CSMD1: variants seen among roughly 807,000 people sequenced by gnomAD.
CSMD1 encodes CUB and sushi domain-containing protein 1.
Under a neutral mutation model 417.5 loss-of-function variants are expected in CSMD1, and 213 were observed. The ratio of observed to expected loss-of-function variants is 0.51; its 90% CI spans 0.46 to 0.57. The LOEUF is 0.57. Among genes scored for constraint, CSMD1 ranks in the 20% least tolerant of loss-of-function variants. The pLI, the probability that CSMD1 is intolerant of heterozygous loss-of-function variation, is 0.00. For missense variants in CSMD1, 6,923 were observed against 4,529.7 expected, an observed-to-expected ratio of 1.53 and a Z score of -15.17; for synonymous variants, 2,862 against 1,736.8, an observed-to-expected ratio of 1.65 and a Z score of -16.11.
intron 3 of CSMD1, among the ~76,000 whole-genome samples, chr8:4,373,458 G>A (rs1802523514): frequency 6.6e-6 from 1 of 152,160 alleles, no homozygotes; most frequent in Non-Finnish European, 1.5e-5. Context: ...CAATATCTCT[G>A]AAATGTTCCC....
intron 7 of CSMD1, among the ~76,000 whole-genome samples, chr8:3,690,170 G>A (rs1402706201): frequency 2.6e-5 from 4 of 152,120 alleles, no homozygotes; most frequent in African/African-American, 4.8e-5. Flanking sequence ...ACCAGCCTGG[G>A]CAACAGGGCA....
At chr8:4,584,616 G>A (rs1409347387) in intron 2 of CSMD1, among the ~76,000 whole-genome samples, 1 of 152,064 alleles carries the variant, frequency 6.6e-6, no homozygotes, top group South Asian at 2.1e-4. Context: ...GGAAAGCCAT[G>A]CAGCTCCGGG....
At chr8:3,217,542 G>GT (rs913092203) in intron 29 of CSMD1, among the ~76,000 whole-genome samples, 2 of 152,044 alleles carry the variant, frequency 1.3e-5, no homozygotes, top group Admixed American at 1.3e-4. Flanking sequence ...TGTTGGGGGC[G>GT]TGGGGGGCTA....
intron 3 of CSMD1, among the ~76,000 whole-genome samples, chr8:4,413,665 G>C (rs143323803): frequency 6.6e-6 from 1 of 152,038 alleles, no homozygotes; most frequent in Non-Finnish European, 1.5e-5. Context: ...ATGGTGTACC[G>C]CGGATCCCAA....
chr8:4,229,334 G>A (rs1029341112), intron 3 of CSMD1, among the ~76,000 whole-genome samples: 2 of 152,132 alleles, frequency 1.3e-5, no homozygotes, highest in African/African-American at 2.4e-5. Flanking sequence ...AGTCCAATGT[G>A]CTTCTTTCTT....
intron 10 of CSMD1, among the ~76,000 whole-genome samples, chr8:3,555,530 C>T (rs1799106809): frequency 6.6e-6 from 1 of 152,198 alleles, no homozygotes; most frequent in Admixed American, 6.5e-5. Flanking sequence ...GCAAAAATTC[C>T]ACAGCTGGGT....
chr8:4,772,286 A>C (rs573289549), intron 1 of CSMD1, among the ~76,000 whole-genome samples: 194 of 152,300 alleles, frequency 1.3e-3, no homozygotes, highest in African/African-American at 4.6e-3. Flanking sequence ...CCAGTCCTTT[A>C]CACGTCAAAT....
At chr8:3,677,089 G>T (rs1799414399) in intron 7 of CSMD1, among the ~76,000 whole-genome samples, 1 of 152,000 alleles carries the variant, frequency 6.6e-6, no homozygotes, top group Non-Finnish European at 1.5e-5. Flanking sequence ...GTAGATAGGT[G>T]CAACAAAAAC....
intron 12 of CSMD1, among the ~76,000 whole-genome samples, chr8:3,422,164 A>C (rs1212368924): frequency 2.0e-5 from 3 of 152,130 alleles, no homozygotes. Context: ...CATTCCTTTG[A>C]AACTTAGTTT....
rs571723838 is a variant in CSMD1, at chr8:4,091,911, A to C, written c.416-59812T>G. On this transcript the variant is annotated intron_variant, in intron 3 of 69. Transcript: ENST00000635120. ...GAACCGTACAGAGTTTTAAATAGTC[A>C]GTGCTCCCAGTTCTCTATTTAAAAA... Among the ~76,000 whole-genome samples, 14 of 152,332 alleles carry C rather than the reference A, an allele frequency of 9.2e-5. 1 individual carries two copies. Among genetic ancestry groups the C allele is most frequent in the Middle Eastern group, 3.4e-3 (1 of 294 alleles).
At position 3,873,767 on chromosome 8, in the gene CSMD1, G is replaced by A. The variant is rs188618252; in HGVS notation, c.819-119725C>T. On this transcript the variant is annotated intron_variant, in intron 5 of 69. Transcript: ENST00000635120. ...TAAGGATACAGAGAAAAATCAGATG[G>A]CCTGAACCAACGTAGCCCTTGATTA... 1.3e-3 allele frequency among the ~76,000 whole-genome samples: 203 copies of A among 152,160 alleles called. No homozygotes were observed. The Middle Eastern group carries it at 0.014, about 10-fold the overall frequency.
At chr8:4,368,102 G>C (rs565029142) in intron 3 of CSMD1, among the ~76,000 whole-genome samples, 1 of 152,118 alleles carries the variant, frequency 6.6e-6, no homozygotes, top group Non-Finnish European at 1.5e-5. Context: ...CTCAAGGGGA[G>C]TGCTTCTAGC....
At chr8:4,851,694 T>G (rs1333011999) in intron 1 of CSMD1, among the ~76,000 whole-genome samples, 1 of 152,168 alleles carries the variant, frequency 6.6e-6, no homozygotes, top group Non-Finnish European at 1.5e-5. Flanking sequence ...TCCCATTGTG[T>G]GGCATCGGCA....
rs78698192 is a variant in CSMD1, at chr8:3,841,758, A to G, written c.819-87716T>C. Among the ~76,000 whole-genome samples, 88 of 152,234 alleles carry G rather than the reference A, an allele frequency of 5.8e-4. 1 individual carries two copies. In the East Asian group the frequency reaches 0.016, roughly 27 times the overall value. ...TCCTAGCTTTAACTGAGCTACATTA[A>G]TAACATCCACAGACAATGAAAATTA... On this transcript the variant is annotated intron_variant, in intron 5 of 69. Coordinates refer to ENST00000635120, the MANE Select transcript of CSMD1 (RefSeq NM_033225.6).
chr8:4,734,622 T>C (rs1810109002), intron 1 of CSMD1, among the ~76,000 whole-genome samples: 1 of 152,194 alleles, frequency 6.6e-6, no homozygotes, highest in African/African-American at 2.4e-5. Context: ...TAACATTATA[T>C]TTTTAGGTAC....
intron 3 of CSMD1, among the ~76,000 whole-genome samples, chr8:4,376,214 A>G (rs1308583058): frequency 1.3e-5 from 2 of 152,220 alleles, no homozygotes; most frequent in Admixed American, 6.5e-5. Flanking sequence ...CTGTTTGTCA[A>G]TAATCGTTTT....
At chr8:3,319,117 C>T (rs11991912) in intron 23 of CSMD1, among the ~76,000 whole-genome samples, 73,551 of 151,926 alleles carry the variant, frequency 0.48, 18,629 homozygotes, top group South Asian at 0.59. Context: ...CAGATAATAA[C>T]TGAAGAAGTA....
chr8:4,708,202 G>T (rs1275260790), intron 1 of CSMD1, among the ~76,000 whole-genome samples: 5 of 151,982 alleles, frequency 3.3e-5, no homozygotes, highest in Middle Eastern at 3.2e-3. Flanking sequence ...CACCTACCTG[G>T]GCCTTCTAAA....
At chr8:4,546,046 C>T (rs1797616218) in intron 2 of CSMD1, among the ~76,000 whole-genome samples, 1 of 152,192 alleles carries the variant, frequency 6.6e-6, no homozygotes, top group East Asian at 1.9e-4. Flanking sequence ...CTTCCCTCCA[C>T]TTACCACCTG....
Sources: allele counts gnomAD v4.1 joint callset (sites outside exome capture counted in the v4.1 genomes callset), GRCh38; gene constraint gnomAD v4.1.1; transcripts MANE v1.5; gene names NCBI Gene and HGNC (gene_info 2026-07-23, HGNC 2026-07-21).